Variants in IRAK3 observed in about 807,000 individuals in gnomAD.
IRAK3 encodes the protein interleukin 1 receptor associated kinase 3, also known as interleukin-1 receptor-associated kinase 3.
In IRAK3, 57 loss-of-function variants were observed where a neutral mutation model predicts 56.6. That is an observed-to-expected ratio of 1.01 (90% CI 0.81 to 1.26). IRAK3 has a LOEUF of 1.26. Ranked by LOEUF, IRAK3 falls within the 50% of genes most tolerant of loss-of-function variation. The pLI is 0.00. For missense variants in IRAK3, 703 were observed against 719.0 expected, an observed-to-expected ratio of 0.98 and a Z score of 0.25; for synonymous variants, 258 against 255.7, an observed-to-expected ratio of 1.01 and a Z score of -0.09.
intron 5 of IRAK3, 30 bp from the exon 6 acceptor site, chr12:66,217,141 A>AT: frequency 6.7e-7 from 1 of 1,492,650 alleles, no homozygotes; most frequent in Non-Finnish European, 9.4e-7. Flanking sequence ...TCCTTTCCTT[A>AT]ATTTTGTTCT....
At chr12:66,195,646 T>C (rs1440512502) in intron 1 of IRAK3, among the ~76,000 whole-genome samples, 5 of 152,150 alleles carry the variant, frequency 3.3e-5, no homozygotes, top group African/African-American at 1.2e-4. Flanking sequence ...TTACCTACTC[T>C]GACCACTCTT....
At chr12:66,205,594 A>T (rs1565800829) in intron 2 of IRAK3, among the ~76,000 whole-genome samples, 1 of 152,218 alleles carries the variant, frequency 6.6e-6, no homozygotes, top group Non-Finnish European at 1.5e-5. Flanking sequence ...GCTACTCATT[A>T]AATTAGGAGT....
intron 6 of IRAK3, among the ~76,000 whole-genome samples, chr12:66,219,535 G>C (rs2052710635): frequency 6.6e-6 from 1 of 152,180 alleles, no homozygotes; most frequent in African/African-American, 2.4e-5. Flanking sequence ...CCCAGTCTCA[G>C]GTATGTCTTT....
At position 66,248,206 on chromosome 12, in the gene IRAK3, G is replaced by C; in HGVS notation, c.*35G>C. ...GAAGATAAAGAAAAAAGCAAGTATT[G>C]CATAGGCACCTGAGCATAGGTATGA... On this transcript the variant is annotated 3_prime_UTR_variant, in exon 12 of 12. Coordinates refer to ENST00000261233, the MANE Select transcript of IRAK3 (RefSeq NM_007199.3). 1 of 1,486,074 alleles carries C rather than the reference G, an allele frequency of 6.7e-7. No homozygotes were observed. The highest frequency in any genetic ancestry group is 2.3e-5 in the East Asian group (1 of 44,274). The allele number at this position is 1,486,074 out of a possible 1,614,324, so 92.1% of individuals were successfully genotyped here.
intron 5 of IRAK3, among the ~76,000 whole-genome samples, chr12:66,216,515 T>C (rs1024291998): frequency 2.6e-5 from 4 of 152,162 alleles, no homozygotes; most frequent in Non-Finnish European, 4.4e-5. Context: ...TTAACTCTTT[T>C]GGTAGAAGTT....
intron 2 of IRAK3, 25 bp downstream of exon 2, chr12:66,203,918 G>T (rs377265005): frequency 1.1e-5 from 17 of 1,586,388 alleles, no homozygotes; most frequent in Non-Finnish European, 1.4e-5. Context: ...TTATAATGTG[G>T]CTCTTAATCT....
In IRAK3 at chr12:66,215,788, A is replaced by AAGTGCACGTGCGCGCG. The variant is rs1555203513; in HGVS notation, c.589-1383_589-1382insAGTGCACGTGCGCGCG. On this transcript the variant is annotated intron_variant, in intron 5 of 11. Transcript: ENST00000261233. ...CGCCCCCTATTTTAACCCAACATGC[A>AAGTGCACGTGCGCGCG]CACACACACACACACACACACACAC... 6.5e-4 allele frequency among the ~76,000 whole-genome samples: 85 copies of AAGTGCACGTGCGCGCG among 131,686 alleles called. 4 individuals are homozygous for AAGTGCACGTGCGCGCG. The highest frequency in any genetic ancestry group is 2.2e-3 in the African/African-American group (77 of 35,546). 86.4% of individuals were successfully genotyped at this position (131,686 alleles called of 152,430 possible).
At chr12:66,207,580 T>G (rs1395955028) in intron 2 of IRAK3, among the ~76,000 whole-genome samples, 1 of 152,210 alleles carries the variant, frequency 6.6e-6, no homozygotes, top group Non-Finnish European at 1.5e-5. Flanking sequence ...AGGTTGTGCT[T>G]CTTTTTCTAG....
In IRAK3 at chr12:66,253,922, A is replaced by G. The variant is rs2053127384; in HGVS notation, c.*5751A>G. Reference sequence around the variant, plus strand: ...AACACTTTATTCAAGTCCAGGAAATATCTGCCTTGAAAAAGAATAACTTAA... The same window carrying G: ...AACACTTTATTCAAGTCCAGGAAATGTCTGCCTTGAAAAAGAATAACTTAA... On this transcript the variant is annotated 3_prime_UTR_variant, in exon 12 of 12. Coordinates refer to ENST00000261233, the MANE Select transcript of IRAK3 (RefSeq NM_007199.3). 6.6e-6 allele frequency: 1 copy of G among 152,238 alleles called. No individual in the cohort carries two copies. Among genetic ancestry groups the G allele is most frequent in the Non-Finnish European group, 1.5e-5 (1 of 68,040 alleles). 9.4% of individuals were successfully genotyped at this position (152,238 alleles called of 1,614,324 possible).
intron 11 of IRAK3, 75 bp from the exon 12 acceptor site, chr12:66,247,620 T>A (rs530472469): frequency 1.1e-6 from 1 of 927,272 alleles, no homozygotes; most frequent in South Asian, 1.3e-5. Flanking sequence ...ATATTCTTTA[T>A]AGGTAGAGTG....
At chr12:66,199,059 C>T (rs563866790) in intron 1 of IRAK3, among the ~76,000 whole-genome samples, 2 of 152,220 alleles carry the variant, frequency 1.3e-5, no homozygotes, top group South Asian at 4.1e-4. Context: ...CACCCAGCCT[C>T]GATTAATGTT....
intron 8 of IRAK3, chr12:66,234,888 G>A: frequency 1.9e-6 from 3 of 1,613,958 alleles, no homozygotes; most frequent in Non-Finnish European, 2.5e-6. Flanking sequence ...TCTTGTTCCT[G>A]TTGCTTTGCC....
intron 6 of IRAK3, among the ~76,000 whole-genome samples, chr12:66,223,702 C>CATA (rs2052758442): frequency 6.6e-6 from 1 of 150,596 alleles, no homozygotes; most frequent in African/African-American, 2.4e-5. Flanking sequence ...TAAAAGTAAA[C>CATA]ATTACTTTTT....
In IRAK3 at chr12:66,234,164, G is replaced by T. The variant is rs920104289; in HGVS notation, c.887+5794G>T. 23 of 1,614,038 alleles carry T rather than the reference G, an allele frequency of 1.4e-5. No homozygotes were observed. The African/African-American group carries it at 2.9e-4, about 21-fold the overall frequency. On this transcript the variant is annotated intron_variant, in intron 8 of 11. Coordinates refer to ENST00000261233, the MANE Select transcript of IRAK3 (RefSeq NM_007199.3). ...ACCACTTGCCTCCTCAACAGGAGCCGCTGTCGTCTGCATATGTTCATACTG... is the reference window on the plus strand; with the variant it reads ...ACCACTTGCCTCCTCAACAGGAGCCTCTGTCGTCTGCATATGTTCATACTG...
At position 66,245,471 on chromosome 12, in the gene IRAK3, A is replaced by G. The variant is rs796093293; in HGVS notation, c.1314+209A>G. On this transcript the variant is annotated intron_variant, in intron 11 of 11. Transcript: ENST00000261233. ...CATTTCTAGGTGGAACCAAGACTCCACAAAAAATTTAATGTAAAGACATAA... is the reference window on the plus strand; with the variant it reads ...CATTTCTAGGTGGAACCAAGACTCCGCAAAAAATTTAATGTAAAGACATAA... Among the ~76,000 whole-genome samples, 16 of 151,838 alleles carry G rather than the reference A, an allele frequency of 1.1e-4. 2 individuals are homozygous for G. Among genetic ancestry groups the G allele is most frequent in the African/African-American group, 3.9e-4 (16 of 41,410 alleles).
Position 66,217,225 on chromosome 12 carries a change from G to C in IRAK3, c.643G>C (p.Val215Leu), listed in dbSNP as rs1184877791. ...GAAGAGGTTTTTATCTGAGCTTGAAGTTTTACTACTGTGAGTATGTTTTCT... is the reference window on the plus strand; with the variant it reads ...GAAGAGGTTTTTATCTGAGCTTGAACTTTTACTACTGTGAGTATGTTTTCT... ...HWKRFLSELEVLLLFHHPNIL... is the reference protein window; with the variant it reads ...HWKRFLSELELLLLFHHPNIL... The change falls in exon 6 of 12, where the codon GTT becomes CTT. Residue 215 changes from valine (V) to leucine (L), a missense_variant. Physicochemically the swap from Val to Leu is conservative, Grantham distance 32. Transcript: ENST00000261233. 1 of 1,608,548 alleles carries C rather than the reference G, an allele frequency of 6.2e-7. No individual in the cohort carries two copies. The highest frequency in any genetic ancestry group is 2.2e-5 in the East Asian group (1 of 44,778).
chr12:66,234,343 G>C, intron 8 of IRAK3: 1 of 1,612,586 alleles, frequency 6.2e-7, no homozygotes, highest in South Asian at 1.1e-5. Flanking sequence ...ACACGGCACC[G>C]GGGTGCTGTA....
chr12:66,217,480 T>G (rs879322512), intron 6 of IRAK3, among the ~76,000 whole-genome samples: 11 of 152,228 alleles, frequency 7.2e-5, no homozygotes, highest in Non-Finnish European at 1.3e-4. Flanking sequence ...GGTTAAATCA[T>G]GTGTGACTAA....
rs1016490718 is a variant in IRAK3 at position 66,250,947 on chromosome 12, C to T, written c.*2776C>T. 1.3e-5 allele frequency: 2 copies of T among 152,246 alleles called. No homozygotes were observed. Among genetic ancestry groups the T allele is most frequent in the Non-Finnish European group, 2.9e-5 (2 of 68,050 alleles). 9.4% of individuals were successfully genotyped at this position (152,246 alleles called of 1,614,324 possible). On this transcript the variant is annotated 3_prime_UTR_variant, in exon 12 of 12. Coordinates refer to ENST00000261233, the MANE Select transcript of IRAK3 (RefSeq NM_007199.3). ...GCCCGCTCTTCACATCCGTGAAAAT[C>T]GCTGCCTTAAGGTGCTCTTAAATTG... is the stretch of plus-strand genomic sequence containing the variant.
Sources: gnomAD v4.1 joint callset for allele counts (sites outside exome capture counted in the v4.1 genomes callset) on GRCh38, gnomAD v4.1.1 for gene constraint, MANE v1.5 for transcripts, NCBI Gene and HGNC (gene_info 2026-07-23, HGNC 2026-07-21) for gene names.